The following GRIA1 variants were observed in gnomAD, a reference collection of about 807,000 sequenced individuals.
GRIA1 encodes the protein glutamate ionotropic receptor AMPA type subunit 1.
GRIA1 carries 31 observed loss-of-function variants against 99.2 expected under a neutral mutation model. The ratio of observed to expected loss-of-function variants is 0.31; its 90% CI spans 0.23 to 0.42. The LOEUF is 0.42. GRIA1 is among the 10% of genes least tolerant of loss of function. The pLI is 1.00. For missense variants in GRIA1, 782 were observed against 1,157.5 expected, an observed-to-expected ratio of 0.68 and a Z score of 4.71; for synonymous variants, 438 against 432.4, an observed-to-expected ratio of 1.01 and a Z score of -0.16.
At chr5:153,520,787 G>A (rs764887702) in intron 2 of GRIA1, among the ~76,000 whole-genome samples, 2 of 152,086 alleles carry the variant, frequency 1.3e-5, no homozygotes, top group African/African-American at 2.4e-5. Context: ...AAAATCAAAC[G>A]TAAGAATTAG....
chr5:153,504,784 T>A (rs1755336396), intron 2 of GRIA1, among the ~76,000 whole-genome samples: 1 of 152,174 alleles, frequency 6.6e-6, no homozygotes, highest in Non-Finnish European at 1.5e-5. Flanking sequence ...TCCAGGCCAC[T>A]CTGATAATAA....
chr5:153,489,685 T>C (rs992515781), upstream of GRIA1: 2 of 408,990 alleles, frequency 4.9e-6, no homozygotes, highest in Non-Finnish European at 9.7e-6. Context: ...ACACAGCTGA[T>C]CTCTCTACAG....
At position 153,655,827 on chromosome 5, in the gene GRIA1, G is replaced by C. The variant is rs376142384; in HGVS notation, c.654G>C (p.Lys218Asn). The change falls in exon 5 of 16, where the codon AAG becomes AAC. Residue 218 changes from lysine to asparagine, a missense_variant. Physicochemically the swap from Lys to Asn is moderately conservative, Grantham distance 94. Coordinates refer to ENST00000285900, the MANE Select transcript of GRIA1 (RefSeq NM_000827.4). ...RLNAILGQII[K>N]LEKNGIGYHY... ...CCTATTATGTTTTGTAGATTATAAA[G>C]CTAGAGAAGAATGGCATCGGCTACC... The C allele has an allele frequency of 1.9e-6, 3 of 1,612,912 alleles. No individual in the cohort carries two copies. The highest frequency in any genetic ancestry group is 2.5e-6 in the Non-Finnish European group (3 of 1,179,326).
chr5:153,535,539 G>A (rs1166873404), intron 2 of GRIA1, among the ~76,000 whole-genome samples: 2 of 152,224 alleles, frequency 1.3e-5, no homozygotes, highest in Non-Finnish European at 2.9e-5. Flanking sequence ...CTAGAAAAGA[G>A]TGTAAATAAT....
At chr5:153,534,005 A>AC (rs1351459286) in intron 2 of GRIA1, among the ~76,000 whole-genome samples, 1 of 151,750 alleles carries the variant, frequency 6.6e-6, no homozygotes, top group African/African-American at 2.4e-5. Context: ...GACCAAGTAG[A>AC]CCCCCCACTT....
At chr5:153,550,289 G>A (rs1041519367) in intron 2 of GRIA1, among the ~76,000 whole-genome samples, 1 of 152,054 alleles carries the variant, frequency 6.6e-6, no homozygotes, top group African/African-American at 2.4e-5. Context: ...AGCTGTCCTA[G>A]AAGATCAAGA....
chr5:153,772,907 CA>C (rs925388700), intron 13 of GRIA1, among the ~76,000 whole-genome samples: 47 of 152,238 alleles, frequency 3.1e-4, no homozygotes, highest in African/African-American at 1.1e-3. Context: ...GTTAAGAAAA[CA>C]AAGCACAGAC....
chr5:153,579,020 G>T (rs991339664), intron 2 of GRIA1, among the ~76,000 whole-genome samples: 1 of 152,112 alleles, frequency 6.6e-6, no homozygotes, highest in Non-Finnish European at 1.5e-5. Flanking sequence ...CTTCCAAGAG[G>T]TTGTCTGAGT....
In GRIA1 at chr5:153,775,035, G is replaced by A. The variant is rs114752873; in HGVS notation, c.2270+4620G>A. Among the ~76,000 whole-genome samples, 938 of 152,328 alleles carry A rather than the reference G, an allele frequency of 6.2e-3. 10 individuals are homozygous for A. The highest frequency in any genetic ancestry group is 0.022 in the African/African-American group (895 of 41,572). The stretch of plus-strand genomic sequence containing the variant: ...GGCTGTTATGTTTCACAAGCCCTCA[G>A]GTTGTAGATAAAGACCTATGCAGCC... On this transcript the variant is annotated intron_variant, in intron 13 of 15. Transcript: ENST00000285900.
At chr5:153,497,291 C>T (rs1359704253) in intron 2 of GRIA1, among the ~76,000 whole-genome samples, 1 of 152,130 alleles carries the variant, frequency 6.6e-6, no homozygotes, top group Admixed American at 6.6e-5. Context: ...ATCAGCTACC[C>T]AGCTTATTTT....
chr5:153,646,885 T>C (rs778102363), intron 2 of GRIA1, 43 bp from the exon 3 acceptor site: 1 of 1,604,750 alleles, frequency 6.2e-7, no homozygotes, highest in Admixed American at 1.7e-5. Flanking sequence ...ATCTGACCAC[T>C]TTTTGCAGTC....
At position 153,677,005 on chromosome 5, in the gene GRIA1, G is replaced by A. The variant is rs749706041; in HGVS notation, c.873G>A (p.Ala291=). The change falls in exon 7 of 16, where the codon GCG becomes GCA. Residue 291 remains alanine (A), a synonymous_variant. Transcript: ENST00000285900. Reference sequence around the variant, plus strand: ...ATTCCTCCCACTAGTACACCTCTGCGCTCACCTACGATGGGGTGAAGGTGA... The same window carrying A: ...ATTCCTCCCACTAGTACACCTCTGCACTCACCTACGATGGGGTGAAGGTGA... ...VDWKRPKYTS[A]LTYDGVKVMA... 18 of 1,491,904 alleles carry A rather than the reference G, an allele frequency of 1.2e-5. No homozygotes were observed. The highest frequency in any genetic ancestry group is 2.8e-5 in the South Asian group (2 of 71,938). 92.4% of individuals were successfully genotyped at this position (1,491,904 alleles called of 1,614,324 possible). A position where few individuals can be genotyped will look rare whatever the true frequency, so the allele number is the denominator to read the frequency against.
intron 11 of GRIA1, among the ~76,000 whole-genome samples, chr5:153,724,332 C>T (rs1760331399): frequency 6.6e-6 from 1 of 151,910 alleles, no homozygotes; most frequent in Non-Finnish European, 1.5e-5. Flanking sequence ...CTCTAAAAAG[C>T]AGAGCACCTC....
At chr5:153,685,910 T>C (rs1422784605) in intron 7 of GRIA1, among the ~76,000 whole-genome samples, 2 of 152,152 alleles carry the variant, frequency 1.3e-5, no homozygotes, top group Non-Finnish European at 2.9e-5. Flanking sequence ...GTGGTCATAG[T>C]GGTTGTGTGA....
chr5:153,491,162 A>AG (rs978273713), intron 1 of GRIA1, 192 bp downstream of exon 1: 71 of 992,010 alleles, frequency 7.2e-5, no homozygotes, highest in Non-Finnish European at 9.3e-5. Flanking sequence ...TGAGGGGCAG[A>AG]GGGGAAGTGT....
intron 2 of GRIA1, among the ~76,000 whole-genome samples, chr5:153,609,534 A>G (rs1272728923): frequency 7.4e-6 from 1 of 135,920 alleles, no homozygotes; most frequent in Non-Finnish European, 1.6e-5. Flanking sequence ...TGACTTTGGC[A>G]TTTGGGATTC....
intron 11 of GRIA1, among the ~76,000 whole-genome samples, chr5:153,744,285 T>C (rs1762006042): frequency 1.3e-5 from 2 of 152,234 alleles, no homozygotes; most frequent in Admixed American, 1.3e-4. Flanking sequence ...TAGTCTTTTA[T>C]AATACTTTAA....
At chr5:153,787,353 T>C (rs1765028259) in intron 13 of GRIA1, among the ~76,000 whole-genome samples, 1 of 152,182 alleles carries the variant, frequency 6.6e-6, no homozygotes, top group Admixed American at 6.5e-5. Context: ...AGGATTCTTT[T>C]TGTTCTTTGG....
At chr5:153,517,767 C>G (rs1357737675) in intron 2 of GRIA1, among the ~76,000 whole-genome samples, 2 of 152,212 alleles carry the variant, frequency 1.3e-5, no homozygotes, top group Non-Finnish European at 2.9e-5. Context: ...TTTCCCATAT[C>G]ACTACATTAA....
Sources: allele counts gnomAD v4.1 joint callset (sites outside exome capture counted in the v4.1 genomes callset), GRCh38; gene constraint gnomAD v4.1.1; transcripts MANE v1.5; gene names NCBI Gene and HGNC (gene_info 2026-07-23, HGNC 2026-07-21).